DPP6: variants seen among roughly 807,000 people sequenced by gnomAD.
The protein encoded by DPP6 is dipeptidyl peptidase like 6.
In DPP6, 69 loss-of-function variants were observed where a neutral mutation model predicts 122.6. The observed-to-expected ratio is 0.56, with a 90% CI of 0.46 to 0.69. The LOEUF (loss-of-function observed/expected upper bound fraction) is 0.69. DPP6 is among the 30% of genes least tolerant of loss of function. DPP6 has a pLI of 0.00. For synonymous variants in DPP6, 418 were observed against 433.1 expected, an observed-to-expected ratio of 0.97 and a Z score of 0.43; for missense variants, 928 against 1,116.9, an observed-to-expected ratio of 0.83 and a Z score of 2.41.
Position 154,707,051 on chromosome 7 carries a change from T to A in DPP6, c.763-20716T>A, listed in dbSNP as rs371892400. ...CACTCTGCCCTTTGGCATTAAATCC[T>A]GAAGTAATTTGCTGGAGTGGAAAAT... On this transcript the variant is annotated intron_variant, in intron 7 of 25. Transcript: ENST00000377770. Among the ~76,000 whole-genome samples the A allele has an allele frequency of 7.2e-5, 11 of 152,336 alleles. No homozygotes were observed. The South Asian group carries it at 2.3e-3, about 32-fold the overall frequency.
At chr7:154,384,066 C>A (rs968301956) in intron 1 of DPP6, among the ~76,000 whole-genome samples, 1 of 152,086 alleles carries the variant, frequency 6.6e-6, no homozygotes, top group Non-Finnish European at 1.5e-5. Flanking sequence ...GGACTCTGCA[C>A]GCTCACCCCA....
chr7:154,326,670 C>T (rs1031899254), intron 1 of DPP6, among the ~76,000 whole-genome samples: 2 of 152,344 alleles, frequency 1.3e-5, no homozygotes, highest in Admixed American at 1.3e-4. Context: ...TTGCAGGCTA[C>T]TGCAATCATC....
intron 15 of DPP6, 116 bp from the exon 16 acceptor site, chr7:154,806,878 C>T (rs1798727211): frequency 7.2e-7 from 1 of 1,392,314 alleles, no homozygotes; most frequent in Non-Finnish European, 9.6e-7. Context: ...CCCGGGGGGT[C>T]TGTAGCAGGG....
Position 154,164,361 on chromosome 7 carries a change from A to G in DPP6, c.243+111298A>G, listed in dbSNP as rs533879434. The stretch of plus-strand genomic sequence containing the variant: ...TCAAACAGTGCCAAAAGAGCCAGCA[A>G]ATGACTGTGCGATTATCTCCACCAA... On this transcript the variant is annotated intron_variant, in intron 1 of 25. Coordinates refer to ENST00000377770, the MANE Select transcript of DPP6 (RefSeq NM_130797.4). Among the ~76,000 whole-genome samples the G allele has an allele frequency of 4.6e-5, 7 of 152,040 alleles. No homozygotes were observed. In the East Asian group the frequency reaches 1.4e-3, roughly 30 times the overall value.
At chr7:154,180,028 T>C (rs114702785) in intron 1 of DPP6, among the ~76,000 whole-genome samples, 1,799 of 152,244 alleles carry the variant, frequency 0.012, 37 homozygotes, top group African/African-American at 0.04. Flanking sequence ...AGAAACAGAA[T>C]GAAGTACAGG....
At chr7:154,244,093 A>G (rs1801821761) in intron 1 of DPP6, among the ~76,000 whole-genome samples, 1 of 151,944 alleles carries the variant, frequency 6.6e-6, no homozygotes, top group Non-Finnish European at 1.5e-5. Context: ...AACCACTCCT[A>G]TGCCCCAAGA....
At chr7:154,838,406 T>C (rs1047358984) in intron 16 of DPP6, 3 of 152,200 alleles carry the variant, frequency 2.0e-5, no homozygotes, top group Admixed American at 6.5e-5. Context: ...TCTGATCGGG[T>C]TCCATTGCCA....
intron 1 of DPP6, among the ~76,000 whole-genome samples, chr7:154,420,956 TATG>T (rs766903637): frequency 6.6e-6 from 1 of 152,152 alleles, no homozygotes; most frequent in Non-Finnish European, 1.5e-5. Context: ...GATGATCTTA[TATG>T]AAGTGTTCTT....
At chr7:153,947,114 C>A (rs969905564) in intron 1 of DPP6, among the ~76,000 whole-genome samples, 3 of 152,166 alleles carry the variant, frequency 2.0e-5, no homozygotes, top group Non-Finnish European at 4.4e-5. Context: ...TCCCTCTTAG[C>A]CAAAGGAATC....
the DPP6 span, among the ~76,000 whole-genome samples, chr7:153,859,041 T>C: frequency 1.8e-4 from 27 of 152,320 alleles, no homozygotes; most frequent in Admixed American, 1.1e-3. Flanking sequence ...GGTCTTTACA[T>C]TGAGAATGTG....
chr7:154,336,802 C>T (rs1339574844), intron 1 of DPP6, among the ~76,000 whole-genome samples: 1 of 152,096 alleles, frequency 6.6e-6, no homozygotes, highest in Non-Finnish European at 1.5e-5. Context: ...GGAAGAGGAC[C>T]TGTCTGATTC....
intron 1 of DPP6, among the ~76,000 whole-genome samples, chr7:154,243,177 T>A (rs1043997165): frequency 6.6e-6 from 1 of 152,168 alleles, no homozygotes; most frequent in Admixed American, 6.5e-5. Flanking sequence ...AAAGAGATTA[T>A]CTAGAATCAT....
At chr7:154,855,006 C>T (rs1434338381) in intron 17 of DPP6, among the ~76,000 whole-genome samples, 1 of 152,012 alleles carries the variant, frequency 6.6e-6, no homozygotes, top group Non-Finnish European at 1.5e-5. Context: ...ACAGAGGTGA[C>T]TCCGTGTCTC....
chr7:154,854,382 G>T (rs1216896260), intron 17 of DPP6, among the ~76,000 whole-genome samples: 3 of 152,330 alleles, frequency 2.0e-5, no homozygotes, highest in South Asian at 2.1e-4. Flanking sequence ...TCCCGTGGGG[G>T]TTTATAGCCA....
intron 1 of DPP6, among the ~76,000 whole-genome samples, chr7:154,225,701 G>A (rs76094403): frequency 0.095 from 14,471 of 151,894 alleles, 959 homozygotes; most frequent in African/African-American, 0.18. Context: ...CTATTCTATC[G>A]ATAAATAGCC....
chr7:154,375,207 G>A (rs992817758), intron 1 of DPP6, among the ~76,000 whole-genome samples: 1 of 151,896 alleles, frequency 6.6e-6, no homozygotes, highest in Non-Finnish European at 1.5e-5. Context: ...ATGGGGGAGT[G>A]GATTATGAAG....
chr7:154,035,201 G>A (rs1421974819), intron 1 of DPP6, among the ~76,000 whole-genome samples: 3 of 152,218 alleles, frequency 2.0e-5, no homozygotes, highest in Admixed American at 6.5e-5. Context: ...GGGTTCAGTG[G>A]ACAAGGTATC....
intron 4 of DPP6, among the ~76,000 whole-genome samples, chr7:154,559,607 G>A (rs976225325): frequency 2.0e-5 from 3 of 152,168 alleles, no homozygotes; most frequent in East Asian, 1.9e-4. Flanking sequence ...CCAAAGGAGC[G>A]AGACGTGTTT....
At chr7:154,283,857 A>G (rs1444515340) in intron 1 of DPP6, among the ~76,000 whole-genome samples, 1 of 152,220 alleles carries the variant, frequency 6.6e-6, no homozygotes, top group Non-Finnish European at 1.5e-5. Context: ...TTCTGACATC[A>G]TAAGAACAGA....
Sources: gnomAD v4.1 joint callset for allele counts (sites outside exome capture counted in the v4.1 genomes callset) on GRCh38, gnomAD v4.1.1 for gene constraint, MANE v1.5 for transcripts, NCBI Gene and HGNC (gene_info 2026-07-23, HGNC 2026-07-21) for gene names.